Variants in SGCD observed in about 807,000 individuals in gnomAD.
SGCD encodes the protein sarcoglycan delta.
In SGCD, 18 loss-of-function variants were observed where a neutral mutation model predicts 36.6. The observed-to-expected ratio is 0.49, with a 90% CI of 0.34 to 0.73. The LOEUF is 0.73. Ranked by LOEUF, SGCD falls within the 30% of genes least tolerant of loss-of-function variation. The pLI is 0.01. For synonymous variants in SGCD, 133 were observed against 130.6 expected, an observed-to-expected ratio of 1.02 and a Z score of -0.12; for missense variants, 387 against 346.7, an observed-to-expected ratio of 1.12 and a Z score of -0.92.
chr5:156,310,249 G>T (rs780734007), intron 3 of SGCD, among the ~76,000 whole-genome samples: 15 of 152,148 alleles, frequency 9.9e-5, no homozygotes, highest in Non-Finnish European at 1.9e-4. Context: ...AAAGTTGGTG[G>T]CGAGGCACTG....
the SGCD span, among the ~76,000 whole-genome samples, chr5:155,771,964 A>G: frequency 6.6e-6 from 1 of 152,220 alleles, no homozygotes; most frequent in Non-Finnish European, 1.5e-5. Context: ...TTAAGAAGAT[A>G]TAATTGAGAA....
chr5:155,881,294 C>A (rs1413025899), intron 1 of SGCD, among the ~76,000 whole-genome samples: 2 of 50,400 alleles, frequency 4.0e-5, no homozygotes, highest in African/African-American at 3.4e-4. Flanking sequence ...CACCTCACCA[C>A]AAAATAAATA....
At chr5:155,878,785 TA>T (rs1455956599) in intron 1 of SGCD, among the ~76,000 whole-genome samples, 2 of 152,124 alleles carry the variant, frequency 1.3e-5, no homozygotes, top group African/African-American at 4.8e-5. Flanking sequence ...TCATATCCAA[TA>T]GAATAAACTA....
chr5:155,979,445 C>T lies in SGCD; in HGVS notation c.-282+109021C>T, dbSNP rs901015284. ...GAGATCTATTTTCCCAGGAAGTGGG[C>T]TCTGAGATGGAGATTAGCATGCAAG... On this transcript the variant is annotated intron_variant, in intron 1 of 9. Coordinates refer to the SGCD transcript ENST00000517913. Among the ~76,000 whole-genome samples the T allele has an allele frequency of 2.0e-5, 3 of 152,260 alleles. No individual in the cohort carries two copies. The East Asian group carries it at 5.8e-4, about 29-fold the overall frequency.
intron 1 of SGCD, among the ~76,000 whole-genome samples, chr5:156,070,220 G>T (rs932929983): frequency 3.3e-5 from 5 of 151,248 alleles, no homozygotes; most frequent in Non-Finnish European, 7.4e-5. Flanking sequence ...GTTTTCAAAG[G>T]GAACGCTTCC....
intron 1 of SGCD, among the ~76,000 whole-genome samples, chr5:155,989,067 C>T (rs1318946467): frequency 1.3e-5 from 2 of 152,148 alleles, no homozygotes; most frequent in Non-Finnish European, 2.9e-5. Context: ...AGATTTGGAA[C>T]TTTCGTCAAT....
intron 2 of SGCD, among the ~76,000 whole-genome samples, chr5:156,123,665 A>AC (rs2127603464): frequency 6.6e-6 from 1 of 151,720 alleles, no homozygotes; most frequent in African/African-American, 2.4e-5. Context: ...ATACTATGAA[A>AC]TTTTTTTTTG....
At chr5:156,255,266 G>T (rs1198044617) in intron 3 of SGCD, among the ~76,000 whole-genome samples, 1 of 152,040 alleles carries the variant, frequency 6.6e-6, no homozygotes, top group Non-Finnish European at 1.5e-5. Flanking sequence ...TTGCATAATC[G>T]ATATAAACCC....
intron 3 of SGCD, among the ~76,000 whole-genome samples, chr5:156,221,638 AT>A (rs945061553): frequency 2.0e-5 from 3 of 152,076 alleles, no homozygotes; most frequent in African/African-American, 7.2e-5. Flanking sequence ...CACAAAAAAA[AT>A]AATTTTTATG....
In SGCD at chr5:155,892,933, T is replaced by C. The variant is rs78574861; in HGVS notation, c.-282+22509T>C. 1.1e-4 allele frequency among the ~76,000 whole-genome samples: 16 copies of C among 152,028 alleles called. No homozygotes were observed. In the East Asian group the frequency reaches 3.1e-3, roughly 29 times the overall value. ...AATCTTATAGAAATAGAGAGCAGAG[T>C]AGTGGTTACCAGCAGCCAAGAATAA... is the stretch of plus-strand genomic sequence containing the variant. On this transcript the variant is annotated intron_variant, in intron 1 of 9. Coordinates refer to the SGCD transcript ENST00000517913.
chr5:156,654,120 C>T (rs553863938), intron 7 of SGCD, among the ~76,000 whole-genome samples: 68 of 152,200 alleles, frequency 4.5e-4, no homozygotes, highest in African/African-American at 1.6e-3. Context: ...AAAAATTTTA[C>T]TTTAATATGT....
the SGCD span, among the ~76,000 whole-genome samples, chr5:155,837,830 G>A: frequency 9.0e-3 from 1,366 of 152,262 alleles, 20 homozygotes; most frequent in African/African-American, 0.031. Context: ...CTATCCTGTG[G>A]GGGTGTTGAA....
the SGCD span, among the ~76,000 whole-genome samples, chr5:155,786,695 A>C: frequency 6.6e-6 from 1 of 152,154 alleles, no homozygotes; most frequent in Non-Finnish European, 1.5e-5. Context: ...TAAAGAGAGA[A>C]CATAATAAAC....
chr5:156,418,982 T>G (rs569117586), intron 3 of SGCD, among the ~76,000 whole-genome samples: 1 of 152,358 alleles, frequency 6.6e-6, no homozygotes, highest in South Asian at 2.1e-4. Flanking sequence ...GCTCTAGACA[T>G]ATATAGTAAC....
intron 1 of SGCD, among the ~76,000 whole-genome samples, chr5:156,030,280 G>A (rs1446073918): frequency 6.6e-6 from 1 of 152,146 alleles, no homozygotes; most frequent in Non-Finnish European, 1.5e-5. Context: ...TTGGAAATAG[G>A]GTCTTTGCAG....
chr5:156,212,587 T>A (rs1273288964), intron 3 of SGCD, among the ~76,000 whole-genome samples: 1 of 151,998 alleles, frequency 6.6e-6, no homozygotes, highest in Non-Finnish European at 1.5e-5. Flanking sequence ...CATGAACACA[T>A]CATTCAGAAA....
At chr5:156,657,492 G>C (rs1237677819) in intron 7 of SGCD, among the ~76,000 whole-genome samples, 1 of 151,464 alleles carries the variant, frequency 6.6e-6, no homozygotes, top group Non-Finnish European at 1.5e-5. Context: ...CAGGTGTGGG[G>C]TGGCTCATGC....
At chr5:155,743,492 G>C in the SGCD span, among the ~76,000 whole-genome samples, 1 of 152,190 alleles carries the variant, frequency 6.6e-6, no homozygotes, top group Non-Finnish European at 1.5e-5. Flanking sequence ...ATGTATTTGG[G>C]TGAAATGTAT....
At chr5:156,344,437 C>A in intron 2 of SGCD, 52 bp from the exon 3 acceptor site, 1 of 1,240,338 alleles carries the variant, frequency 8.1e-7, no homozygotes, top group Non-Finnish European at 1.1e-6. Context: ...TTTTTTTTCT[C>A]TTCTCTCAGC....
Sources: allele counts gnomAD v4.1 joint callset (sites outside exome capture counted in the v4.1 genomes callset), GRCh38; gene constraint gnomAD v4.1.1; transcripts MANE v1.5; gene names NCBI Gene and HGNC (gene_info 2026-07-23, HGNC 2026-07-21).